Variants in MAGI2 observed in about 807,000 individuals in gnomAD.
MAGI2 encodes the protein membrane associated guanylate kinase, WW and PDZ domain containing 2, also known as membrane-associated guanylate kinase, WW and PDZ domain-containing protein 2.
Under a neutral mutation model 133.3 loss-of-function variants are expected in MAGI2, and 35 were observed. The observed-to-expected ratio is 0.26, with a 90% confidence interval of 0.20 to 0.35. MAGI2 has a LOEUF of 0.35. Among genes scored for constraint, MAGI2 ranks in the 10% least tolerant of loss-of-function variants. The pLI is 1.00. For missense variants in MAGI2, 1,636 were observed against 1,863.4 expected, an observed-to-expected ratio of 0.88 and a Z score of 2.25; for synonymous variants, 729 against 710.6, an observed-to-expected ratio of 1.03 and a Z score of -0.41.
chr7:78,629,046 C>T (rs1584898720), intron 2 of MAGI2, among the ~76,000 whole-genome samples: 1 of 152,078 alleles, frequency 6.6e-6, no homozygotes, highest in Non-Finnish European at 1.5e-5. Context: ...ACCACGTGAG[C>T]ACCAGGATCA....
At chr7:79,404,969 C>T (rs1245912218) in intron 1 of MAGI2, among the ~76,000 whole-genome samples, 1 of 152,032 alleles carries the variant, frequency 6.6e-6, no homozygotes, top group Admixed American at 6.6e-5. Flanking sequence ...GCTCAGGTGC[C>T]GACATGAGTG....
intron 9 of MAGI2, among the ~76,000 whole-genome samples, chr7:78,339,193 A>C: frequency 6.6e-6 from 1 of 152,212 alleles, no homozygotes; most frequent in East Asian, 1.9e-4. Flanking sequence ...CACTGCAATG[A>C]CTATGAAAGG....
intron 9 of MAGI2, among the ~76,000 whole-genome samples, chr7:78,284,044 A>AGGC (rs1281418314): frequency 1.3e-5 from 2 of 152,066 alleles, no homozygotes; most frequent in African/African-American, 4.8e-5. Context: ...CAAGGTGATA[A>AGGC]ATGTGTAACA....
chr7:78,290,581 C>T (rs747142431), intron 9 of MAGI2, among the ~76,000 whole-genome samples: 1 of 152,138 alleles, frequency 6.6e-6, no homozygotes, highest in African/African-American at 2.4e-5. Flanking sequence ...CTCAGCTCTG[C>T]ACCAAGCAGA....
At position 78,321,797 on chromosome 7, in the gene MAGI2, G is replaced by T. The variant is rs1048032188; in HGVS notation, c.1408+21981C>A. ...GATCTAATTAAACTAAAGAGCTTCT[G>T]CACTGCAAAAGAAATTATCATCAGA... On this transcript the variant is annotated intron_variant, in intron 9 of 21. Transcript: ENST00000354212. Among the ~76,000 whole-genome samples, 12 of 152,308 alleles carry T rather than the reference G, an allele frequency of 7.9e-5. No individual in the cohort carries two copies. In the East Asian group the frequency reaches 2.1e-3, roughly 27 times the overall value.
chr7:78,515,336 T>A (rs1330168847), intron 4 of MAGI2, among the ~76,000 whole-genome samples: 2 of 152,308 alleles, frequency 1.3e-5, no homozygotes, highest in Middle Eastern at 3.4e-3. Context: ...ATATGTATTT[T>A]AAAATGCACT....
chr7:78,551,326 T>G (rs972093721), intron 3 of MAGI2, among the ~76,000 whole-genome samples: 10 of 152,216 alleles, frequency 6.6e-5, no homozygotes, highest in Non-Finnish European at 1.5e-5. Context: ...CATAGCAAGT[T>G]TACACTGTTT....
intron 3 of MAGI2, among the ~76,000 whole-genome samples, chr7:78,573,033 A>T (rs547010138): frequency 4.1e-5 from 2 of 48,230 alleles, no homozygotes; most frequent in Non-Finnish European, 6.8e-5. Flanking sequence ...ATGCATATGT[A>T]TGTATATATA....
chr7:79,260,381 TACATACA>T (rs1833990099), intron 1 of MAGI2, among the ~76,000 whole-genome samples: 1 of 27,068 alleles, frequency 3.7e-5, no homozygotes, highest in Non-Finnish European at 1.5e-4. Flanking sequence ...CATACATACA[TACATACA>T]TACATACATA....
At chr7:78,303,019 G>T (rs1285809779) in intron 9 of MAGI2, among the ~76,000 whole-genome samples, 1 of 152,160 alleles carries the variant, frequency 6.6e-6, no homozygotes, top group Non-Finnish European at 1.5e-5. Flanking sequence ...GGAGGGGAAA[G>T]ATTTATTGGC....
At chr7:78,089,679 C>T (rs2151213339) in intron 20 of MAGI2, among the ~76,000 whole-genome samples, 1 of 152,260 alleles carries the variant, frequency 6.6e-6, no homozygotes, top group East Asian at 1.9e-4. Context: ...TCAGAGTTAC[C>T]TTTGCCTCTG....
In MAGI2 at chr7:78,733,387, T is replaced by G. The variant is rs549861999; in HGVS notation, c.419-106148A>C. Among the ~76,000 whole-genome samples the G allele has an allele frequency of 5.5e-4, 84 of 152,244 alleles. No homozygotes were observed. The South Asian group carries it at 0.01, about 19-fold the overall frequency. On this transcript the variant is annotated intron_variant, in intron 2 of 21. Coordinates refer to ENST00000354212, the MANE Select transcript of MAGI2 (RefSeq NM_012301.4). Reference sequence around the variant, plus strand: ...TTTTGGGGGCAGTTTGATTTTATAATGCATGTGAACAAGAGATGTATGTTG... The same window carrying G: ...TTTTGGGGGCAGTTTGATTTTATAAGGCATGTGAACAAGAGATGTATGTTG...
chr7:79,387,539 A>G (rs746331174), intron 1 of MAGI2, among the ~76,000 whole-genome samples: 4 of 152,032 alleles, frequency 2.6e-5, no homozygotes, highest in Non-Finnish European at 5.9e-5. Flanking sequence ...AGAAATTATT[A>G]TGACTCCTGT....
At chr7:78,487,980 A>G (rs1346621702) in intron 6 of MAGI2, among the ~76,000 whole-genome samples, 1 of 152,068 alleles carries the variant, frequency 6.6e-6, no homozygotes, top group Non-Finnish European at 1.5e-5. Flanking sequence ...AATATTACCT[A>G]AAAGCACTTT....
intron 1 of MAGI2, among the ~76,000 whole-genome samples, chr7:79,267,836 G>T (rs1303965013): frequency 1.3e-5 from 2 of 152,182 alleles, no homozygotes; most frequent in African/African-American, 4.8e-5. Context: ...GAGAAATGCA[G>T]ATGGGAAAAT....
At chr7:78,705,097 T>G (rs1467058121) in intron 2 of MAGI2, among the ~76,000 whole-genome samples, 1 of 151,992 alleles carries the variant, frequency 6.6e-6, no homozygotes, top group Non-Finnish European at 1.5e-5. Context: ...AAGAACTGGT[T>G]TACCAGTTAA....
At chr7:78,565,157 A>G (rs762502306) in intron 3 of MAGI2, among the ~76,000 whole-genome samples, 56 of 151,774 alleles carry the variant, frequency 3.7e-4, no homozygotes, top group Admixed American at 3.1e-3. Flanking sequence ...GAATTGATAT[A>G]ATGGTTAAAT....
intron 3 of MAGI2, among the ~76,000 whole-genome samples, chr7:78,566,034 T>C (rs186383560): frequency 7.2e-5 from 11 of 152,232 alleles, no homozygotes; most frequent in Admixed American, 5.2e-4. Flanking sequence ...CAGGAAGCAA[T>C]CATCAGGCTG....
chr7:78,295,098 C>T (rs1424633524), intron 9 of MAGI2, among the ~76,000 whole-genome samples: 1 of 152,094 alleles, frequency 6.6e-6, no homozygotes, highest in Non-Finnish European at 1.5e-5. Flanking sequence ...TTTAACCTGT[C>T]TATGACTTTT....
Sources: allele counts gnomAD v4.1 joint callset (sites outside exome capture counted in the v4.1 genomes callset), GRCh38; gene constraint gnomAD v4.1.1; transcripts MANE v1.5; gene names NCBI Gene and HGNC (gene_info 2026-07-23, HGNC 2026-07-21).